The following MAML2 variants were observed in gnomAD, a reference collection of about 807,000 sequenced individuals.
MAML2 encodes mastermind-like protein 2.
A neutral mutation model predicts 96.1 loss-of-function variants in MAML2; 22 were observed. The ratio of observed to expected loss-of-function variants is 0.23; its 90% confidence interval spans 0.16 to 0.33. MAML2 has a LOEUF of 0.33. MAML2 is among the 10% of genes least tolerant of loss of function. The probability of loss-of-function intolerance (pLI) is 1.00; values close to 1 mark genes in which losing one functional copy is unlikely to be tolerated. For missense variants in MAML2, 1,367 were observed against 1,392.4 expected, an observed-to-expected ratio of 0.98 and a Z score of 0.29; for synonymous variants, 561 against 521.3, an observed-to-expected ratio of 1.08 and a Z score of -1.04.
At position 96,323,070 on chromosome 11, in the gene MAML2, G is replaced by A. The variant is rs187405510; in HGVS notation, c.513+18313C>T. Among the ~76,000 whole-genome samples the A allele has an allele frequency of 1.5e-3, 223 of 150,394 alleles. 2 individuals carry two copies. The highest frequency in any genetic ancestry group is 5.4e-3 in the African/African-American group (219 of 40,694). On this transcript the variant is annotated intron_variant, in intron 1 of 4. Transcript: ENST00000524717. ...GGGAACTCACAAACTCAAGAAGCTG[G>A]ATCATTTATGTTCTAGCATGAAAAG...
intron 2 of MAML2, among the ~76,000 whole-genome samples, chr11:96,061,418 C>A (rs1391565432): frequency 6.6e-6 from 1 of 152,180 alleles, no homozygotes; most frequent in African/African-American, 2.4e-5. Context: ...GAAAGCCATG[C>A]AATGCAGGTT....
chr11:96,328,543 C>A (rs533064796), intron 1 of MAML2, among the ~76,000 whole-genome samples: 1 of 152,014 alleles, frequency 6.6e-6, no homozygotes, highest in Non-Finnish European at 1.5e-5. Flanking sequence ...AGACACCCCA[C>A]GCCACCCCCC....
intron 2 of MAML2, among the ~76,000 whole-genome samples, chr11:96,024,810 C>T (rs995596684): frequency 4.6e-5 from 7 of 152,106 alleles, no homozygotes; most frequent in African/African-American, 1.4e-4. Context: ...CCTGCCACTC[C>T]TTCTCCTTCT....
chr11:96,217,300 C>T (rs921436038), intron 1 of MAML2, among the ~76,000 whole-genome samples: 2 of 152,168 alleles, frequency 1.3e-5, no homozygotes, highest in East Asian at 1.9e-4. Flanking sequence ...ACTGCACAAG[C>T]GCAAATGCAC....
intron 1 of MAML2, among the ~76,000 whole-genome samples, chr11:96,183,962 T>C (rs1307210272): frequency 2.0e-5 from 3 of 152,160 alleles, no homozygotes; most frequent in African/African-American, 7.2e-5. Context: ...AATCTGCAGG[T>C]TTGTTTTGGA....
At chr11:96,025,428 C>T (rs999561638) in intron 2 of MAML2, among the ~76,000 whole-genome samples, 2 of 152,134 alleles carry the variant, frequency 1.3e-5, no homozygotes, top group Non-Finnish European at 2.9e-5. Flanking sequence ...AGCACTGAAA[C>T]ACTACCTATT....
chr11:96,073,330 T>C (rs976215046), intron 2 of MAML2, among the ~76,000 whole-genome samples: 75 of 150,210 alleles, frequency 5.0e-4, no homozygotes, highest in African/African-American at 1.7e-3. Context: ...TCTTTTTTTT[T>C]TTTTTTTTTT....
intron 1 of MAML2, among the ~76,000 whole-genome samples, chr11:96,266,542 C>T (rs898060637): frequency 2.6e-5 from 4 of 151,628 alleles, no homozygotes; most frequent in Non-Finnish European, 4.4e-5. Context: ...CTGCACTCCA[C>T]CCTGGGCAAC....
chr11:96,085,632 C>T (rs565537230), intron 2 of MAML2, among the ~76,000 whole-genome samples: 5 of 152,330 alleles, frequency 3.3e-5, no homozygotes, highest in South Asian at 2.1e-4. Context: ...CCCTACACCC[C>T]TTCTTTCCCT....
At chr11:95,995,334 G>T (rs1857974210) in intron 2 of MAML2, among the ~76,000 whole-genome samples, 1 of 152,024 alleles carries the variant, frequency 6.6e-6, no homozygotes, top group Non-Finnish European at 1.5e-5. Flanking sequence ...TGTCTTTTGG[G>T]GTGTGCTTCT....
intron 1 of MAML2, among the ~76,000 whole-genome samples, chr11:96,148,596 T>G (rs989468029): frequency 0.012 from 1 of 82 alleles, no homozygotes; most frequent in South Asian, 0.5. Flanking sequence ...CCTGAAATGT[T>G]GGGGATCAAT....
chr11:96,341,837 G>A lies in MAML2; in HGVS notation c.59C>T (p.Ala20Val). Residue 20 changes from alanine to valine, a missense_variant, in exon 1 of 5, where the codon GCG becomes GTG. Coordinates refer to ENST00000524717, the MANE Select transcript of MAML2 (RefSeq NM_032427.4). ...PAGGLGGASG[A>V]GLLGGGSVTP... is the part of the protein sequence containing the mutation. ...GACTGAGCCCCCTCCAAGGAGCCCC[G>A]CCCCAGAGGCCCCCCCTAGCCCTCC... 1 of 1,571,036 alleles carries A rather than the reference G, an allele frequency of 6.4e-7. No homozygotes were observed. The highest frequency in any genetic ancestry group is 1.3e-5 in the African/African-American group (1 of 74,228).
intron 2 of MAML2, among the ~76,000 whole-genome samples, chr11:96,069,852 G>A (rs138015232): frequency 0.02 from 3,010 of 151,804 alleles, 100 homozygotes; most frequent in African/African-American, 0.07. Flanking sequence ...GTGAAACCCC[G>A]TCTCTACTAA....
intron 1 of MAML2, among the ~76,000 whole-genome samples, chr11:96,136,684 C>T (rs1369559164): frequency 6.6e-6 from 1 of 152,158 alleles, no homozygotes; most frequent in Non-Finnish European, 1.5e-5. Context: ...GTTTTTCTTT[C>T]AGCTGATGAC....
Position 96,325,171 on chromosome 11 carries a change from G to C in MAML2, c.513+16212C>G, listed in dbSNP as rs375573006. ...TGTCTGGGAGCTGAAGACATTCAAC[G>C]TCCCCATCTAGTTGCAAATTTAGTT... On this transcript the variant is annotated intron_variant, in intron 1 of 4. Coordinates refer to ENST00000524717, the MANE Select transcript of MAML2 (RefSeq NM_032427.4). 3.3e-5 allele frequency among the ~76,000 whole-genome samples: 5 copies of C among 151,922 alleles called. No individual in the cohort carries two copies. The East Asian group carries it at 9.6e-4, about 29-fold the overall frequency.
intron 2 of MAML2, among the ~76,000 whole-genome samples, chr11:96,082,030 C>T (rs575120004): frequency 2.6e-5 from 4 of 152,056 alleles, no homozygotes; most frequent in Non-Finnish European, 5.9e-5. Context: ...TCTTTCTTTC[C>T]TTTGTCCTGC....
At chr11:96,035,577 A>T (rs1858698019) in intron 2 of MAML2, among the ~76,000 whole-genome samples, 1 of 152,192 alleles carries the variant, frequency 6.6e-6, no homozygotes, top group Admixed American at 6.5e-5. Context: ...AGTAACTAAG[A>T]TCTTTGTAGA....
At chr11:96,084,488 G>A (rs1859576853) in intron 2 of MAML2, among the ~76,000 whole-genome samples, 1 of 152,110 alleles carries the variant, frequency 6.6e-6, no homozygotes, top group Non-Finnish European at 1.5e-5. Flanking sequence ...TGTGGAGATG[G>A]GCTGGCCAGC....
chr11:96,014,171 T>C (rs1389513086), intron 2 of MAML2, among the ~76,000 whole-genome samples: 3 of 152,208 alleles, frequency 2.0e-5, no homozygotes, highest in African/African-American at 7.2e-5. Context: ...AAGGGAATCT[T>C]TCTTGTCTCA....
Sources: allele counts gnomAD v4.1 joint callset (sites outside exome capture counted in the v4.1 genomes callset), GRCh38; gene constraint gnomAD v4.1.1; transcripts MANE v1.5; gene names NCBI Gene and HGNC (gene_info 2026-07-23, HGNC 2026-07-21).